The following ARHGAP44 variants were observed in gnomAD, a reference collection of about 807,000 sequenced individuals.
ARHGAP44 encodes the protein rho GTPase-activating protein 44.
Under a neutral mutation model 106.8 loss-of-function variants are expected in ARHGAP44, and 43 were observed. The observed-to-expected ratio is 0.40, with a 90% CI of 0.32 to 0.52. The LOEUF is 0.52. Among genes scored for constraint, ARHGAP44 ranks in the 20% least tolerant of loss-of-function variants. The pLI is 0.48. For synonymous variants in ARHGAP44, 439 were observed against 410.3 expected, an observed-to-expected ratio of 1.07 and a Z score of -0.85; for missense variants, 866 against 1,050.5, an observed-to-expected ratio of 0.82 and a Z score of 2.43.
At chr17:12,968,701 T>C (rs11078110) in intron 16 of ARHGAP44, among the ~76,000 whole-genome samples, 15,696 of 151,704 alleles carry the variant, frequency 0.1, 924 homozygotes, top group South Asian at 0.2. Context: ...TAAACTCCAG[T>C]CCTCATTTTT....
intron 1 of ARHGAP44, among the ~76,000 whole-genome samples, chr17:12,871,115 C>T (rs2036394114): frequency 2.0e-5 from 3 of 152,156 alleles, no homozygotes; most frequent in Admixed American, 2.0e-4. Context: ...TCTAAAAGTT[C>T]AAAAGTCAAT....
At chr17:12,861,183 T>G (rs1347761427) in intron 1 of ARHGAP44, among the ~76,000 whole-genome samples, 1 of 151,644 alleles carries the variant, frequency 6.6e-6, no homozygotes, top group Non-Finnish European at 1.5e-5. Context: ...AGAGGTGGAG[T>G]TCCGCCATGT....
At chr17:12,962,444 A>G (rs1381542116) in intron 16 of ARHGAP44, among the ~76,000 whole-genome samples, 1 of 152,246 alleles carries the variant, frequency 6.6e-6, no homozygotes, top group African/African-American at 2.4e-5. Flanking sequence ...GAAACTATCC[A>G]TATTTCCTTA....
intron 18 of ARHGAP44, among the ~76,000 whole-genome samples, chr17:12,979,544 C>T (rs1598156193): frequency 6.6e-6 from 1 of 152,184 alleles, no homozygotes; most frequent in African/African-American, 2.4e-5. Flanking sequence ...CCTAGAATCC[C>T]TCCTGCCTGG....
At chr17:12,861,406 T>C (rs1437750387) in intron 1 of ARHGAP44, among the ~76,000 whole-genome samples, 1 of 152,152 alleles carries the variant, frequency 6.6e-6, no homozygotes, top group Non-Finnish European at 1.5e-5. Flanking sequence ...GGCACAGGTC[T>C]TAACTGGGCT....
At chr17:12,868,655 A>AT (rs2036312534) in intron 1 of ARHGAP44, among the ~76,000 whole-genome samples, 2 of 129,008 alleles carry the variant, frequency 1.6e-5, no homozygotes, top group South Asian at 4.9e-4. Flanking sequence ...TATTTTATTT[A>AT]TTTTTTTAAT....
intron 7 of ARHGAP44, among the ~76,000 whole-genome samples, chr17:12,934,205 T>C (rs2150972088): frequency 6.6e-6 from 1 of 152,330 alleles, no homozygotes; most frequent in Middle Eastern, 3.4e-3. Context: ...TTTAGCCTTG[T>C]CCTCTCTCTC....
chr17:12,870,551 A>G (rs9897138), intron 1 of ARHGAP44, among the ~76,000 whole-genome samples: 103,782 of 151,900 alleles, frequency 0.68, 35,821 homozygotes, highest in Non-Finnish European at 0.73. Flanking sequence ...AAAATCAGGT[A>G]GTGGAGAAGG....
intron 10 of ARHGAP44, among the ~76,000 whole-genome samples, chr17:12,945,778 T>A (rs1352827402): frequency 1.3e-5 from 2 of 152,318 alleles, no homozygotes; most frequent in East Asian, 3.9e-4. Flanking sequence ...GTTATCAAAT[T>A]TTTTAGCTTA....
chr17:12,829,682 C>T (rs191026380), intron 1 of ARHGAP44, among the ~76,000 whole-genome samples: 34 of 152,184 alleles, frequency 2.2e-4, no homozygotes, highest in African/African-American at 7.5e-4. Flanking sequence ...AAGGCTTTTT[C>T]ACTACTCTTT....
rs192401376 is a variant in ARHGAP44 at position 12,881,645 on chromosome 17, T to C, written c.54-13295T>C. 3.3e-5 allele frequency among the ~76,000 whole-genome samples: 5 copies of C among 152,340 alleles called. No individual in the cohort carries two copies. In the East Asian group the frequency reaches 9.6e-4, roughly 29 times the overall value. On this transcript the variant is annotated intron_variant, in intron 1 of 20. Coordinates refer to ENST00000379672, the MANE Select transcript of ARHGAP44 (RefSeq NM_014859.6). ...TCTACTTAAGGATAATCTTATTTTTTCTTAAGCCTTTGCATTTCCATACAA... is the reference window on the plus strand; with the variant it reads ...TCTACTTAAGGATAATCTTATTTTTCCTTAAGCCTTTGCATTTCCATACAA...
chr17:12,902,985 G>A (rs1598025712), intron 3 of ARHGAP44, among the ~76,000 whole-genome samples: 1 of 152,022 alleles, frequency 6.6e-6, no homozygotes, highest in South Asian at 2.1e-4. Context: ...ATCAAGCCTT[G>A]GCTGTGTGTC....
intron 18 of ARHGAP44, among the ~76,000 whole-genome samples, chr17:12,976,252 C>CA (rs1323010232): frequency 6.6e-6 from 1 of 152,112 alleles, no homozygotes; most frequent in African/African-American, 2.4e-5. Context: ...CACACACCCA[C>CA]ACCCACACCA....
At chr17:12,986,184 G>A (rs1336614240) in intron 20 of ARHGAP44, 2 of 152,166 alleles carry the variant, frequency 1.3e-5, no homozygotes, top group Non-Finnish European at 2.9e-5. Flanking sequence ...TACAGCTGCT[G>A]TCATCTACCC....
At chr17:12,789,996 G>A in intron 1 of ARHGAP44, 105 bp downstream of exon 1, 1 of 1,140,674 alleles carries the variant, frequency 8.8e-7, no homozygotes, top group Non-Finnish European at 1.2e-6. Flanking sequence ...CCTTGCCTCA[G>A]TCCTTTCCCC....
intron 2 of ARHGAP44, among the ~76,000 whole-genome samples, chr17:12,895,302 A>C (rs1185052284): frequency 6.6e-6 from 1 of 152,202 alleles, no homozygotes; most frequent in Non-Finnish European, 1.5e-5. Flanking sequence ...ATTTGGGTTA[A>C]GCTCTTTCAG....
chr17:12,875,847 G>A (rs2036539672), intron 1 of ARHGAP44, among the ~76,000 whole-genome samples: 1 of 152,204 alleles, frequency 6.6e-6, no homozygotes, highest in Non-Finnish European at 1.5e-5. Context: ...GGGAGGCTGA[G>A]GCAGGAGAAT....
At chr17:12,846,767 C>G (rs934035368) in intron 1 of ARHGAP44, among the ~76,000 whole-genome samples, 1 of 152,230 alleles carries the variant, frequency 6.6e-6, no homozygotes, top group Non-Finnish European at 1.5e-5. Flanking sequence ...AACAGGACCA[C>G]AGACTATTGA....
At chr17:12,910,925 T>A (rs899262778) in intron 4 of ARHGAP44, among the ~76,000 whole-genome samples, 1 of 151,774 alleles carries the variant, frequency 6.6e-6, no homozygotes. Flanking sequence ...CAAATATGCA[T>A]GTTATAAAAC....
Sources: allele counts gnomAD v4.1 joint callset (sites outside exome capture counted in the v4.1 genomes callset), GRCh38; gene constraint gnomAD v4.1.1; transcripts MANE v1.5; gene names NCBI Gene and HGNC (gene_info 2026-07-23, HGNC 2026-07-21).